The following MYO1F variants were observed in gnomAD, a reference collection of about 807,000 sequenced individuals.
MYO1F encodes the protein unconventional myosin-If.
A neutral mutation model predicts 146.6 loss-of-function variants in MYO1F; 60 were observed. The observed-to-expected ratio is 0.41, with a 90% CI of 0.33 to 0.51. The LOEUF is 0.51. MYO1F is among the 20% of genes least tolerant of loss of function. MYO1F has a pLI of 0.25. For synonymous variants in MYO1F, 602 were observed against 602.1 expected (o/e 1.00, Z 0.00); for missense variants, 1,274 against 1,534.3 (o/e 0.83, Z 2.83).
intron 25 of MYO1F, among the ~76,000 whole-genome samples, chr19:8,524,294 T>A (rs939882145): frequency 3.3e-5 from 5 of 150,882 alleles, no homozygotes; most frequent in African/African-American, 1.2e-4. Flanking sequence ...TGCATGCCTG[T>A]AATCCCAGCT....
Position 8,525,579 on chromosome 19 carries a change from A to T in MYO1F, c.2771-17T>A. On this transcript the variant is annotated splice_polypyrimidine_tract_variant and intron_variant, in intron 24 of 27. Coordinates refer to ENST00000644032, the MANE Select transcript of MYO1F (RefSeq NM_012335.4). Reference sequence around the variant, plus strand: ...GCGTAGGCTCTGAAAGAAGAGTGTCAGGGAGTTGAATGACAGACAGACCAC... The same window carrying T: ...GCGTAGGCTCTGAAAGAAGAGTGTCTGGGAGTTGAATGACAGACAGACCAC... 1 of 1,607,720 alleles carries T rather than the reference A, an allele frequency of 6.2e-7. No individual in the cohort carries two copies. Among genetic ancestry groups the T allele is most frequent in the Non-Finnish European group, 8.5e-7 (1 of 1,175,936 alleles).
chr19:8,545,394 A>G, intron 13 of MYO1F: 1 of 478,850 alleles, frequency 2.1e-6, no homozygotes, highest in Non-Finnish European at 3.9e-6. Flanking sequence ...GGAATCTGCA[A>G]ATTTGACTCT....
intron 16 of MYO1F, among the ~76,000 whole-genome samples, chr19:8,537,836 C>G (rs1212639411): frequency 6.6e-6 from 1 of 152,110 alleles, no homozygotes; most frequent in East Asian, 1.9e-4. Flanking sequence ...CTCAAGCGAT[C>G]AACTGCCTTA....
At position 8,544,374 on chromosome 19, in the gene MYO1F, G is replaced by A; in HGVS notation, c.1447C>T (p.Leu483=). 3 of 1,613,206 alleles carry A rather than the reference G, an allele frequency of 1.9e-6. No individual in the cohort carries two copies. The highest frequency in any genetic ancestry group is 2.5e-6 in the Non-Finnish European group (3 of 1,179,864). The change falls in exon 14 of 28, where the codon CTG becomes TTG. Residue 483 remains leucine (L), a synonymous_variant. Transcript: ENST00000644032. ...GGADQTLLQK[L]QAAVGTHEHF... Reference sequence around the variant, plus strand: ...TCGTGGGTCCCCACAGCCGCCTGCAGCTTCTGCAGCAGTGTCTGGTCTGCT... The same window carrying A: ...TCGTGGGTCCCCACAGCCGCCTGCAACTTCTGCAGCAGTGTCTGGTCTGCT...
At chr19:8,553,036 G>A in intron 6 of MYO1F, 103 bp downstream of exon 6, 1 of 1,132,806 alleles carries the variant, frequency 8.8e-7, no homozygotes, top group Non-Finnish European at 1.3e-6. Context: ...GGTTTTCAAT[G>A]GACTCTTGTC....
At chr19:8,566,049 C>A (rs183863302) in intron 1 of MYO1F, among the ~76,000 whole-genome samples, 113 of 151,866 alleles carry the variant, frequency 7.4e-4, no homozygotes, top group African/African-American at 2.7e-3. Context: ...TTCGGAGTTA[C>A]AGTGAGCTGT....
At chr19:8,526,643 C>T (rs1168076405) in intron 23 of MYO1F, 42 bp from the exon 24 acceptor site, 1 of 1,561,896 alleles carries the variant, frequency 6.4e-7, no homozygotes, top group Admixed American at 1.9e-5. Flanking sequence ...GGCTGAGGTC[C>T]CCCGCCCCAC....
chr19:8,547,899 C>G, intron 12 of MYO1F, 137 bp downstream of exon 12: 1 of 773,052 alleles, frequency 1.3e-6, no homozygotes, highest in South Asian at 1.5e-5. Context: ...CACTATGGAG[C>G]CTGGGTAGGT....
chr19:8,528,718 G>A (rs983274536), intron 21 of MYO1F, among the ~76,000 whole-genome samples: 1 of 152,186 alleles, frequency 6.6e-6, no homozygotes, highest in African/African-American at 2.4e-5. Context: ...AGAACACTTA[G>A]ACCAGGTGAA....
At chr19:8,547,226 A>G (rs1322311141) in intron 12 of MYO1F, among the ~76,000 whole-genome samples, 1 of 144,668 alleles carries the variant, frequency 6.9e-6, no homozygotes, top group East Asian at 2.2e-4. Flanking sequence ...GCTTGAGCCC[A>G]GGAGGTGTAG....
intron 1 of MYO1F, among the ~76,000 whole-genome samples, chr19:8,573,606 T>G (rs2042150230): frequency 6.6e-6 from 1 of 152,040 alleles, no homozygotes; most frequent in East Asian, 1.9e-4. Flanking sequence ...ATCTCACACT[T>G]TGGGAGGCCA....
intron 1 of MYO1F, among the ~76,000 whole-genome samples, chr19:8,574,530 C>CCTTTCTTTCTTTCTTTCTTTCTTT (rs1183292416): frequency 4.2e-5 from 5 of 119,108 alleles, no homozygotes; most frequent in East Asian, 2.4e-4. Flanking sequence ...TTCTTTTTTC[C>CCTTTCTTTCTTTCTTTCTTTCTTT]CTTTCTTTCT....
Position 8,523,723 on chromosome 19 carries a change from T to G in MYO1F, c.2855-894A>C, listed in dbSNP as rs558531413. 3.0e-4 allele frequency among the ~76,000 whole-genome samples: 45 copies of G among 152,174 alleles called. 1 individual carries two copies. In the South Asian group the frequency reaches 8.5e-3, roughly 29 times the overall value. ...AGGATGGAGTGCAGCAGTGAGATCA[T>G]AGCTCACTGCAGACTCCAACTCTTA... On this transcript the variant is annotated intron_variant, in intron 25 of 27. Transcript: ENST00000644032.
At chr19:8,541,767 A>G (rs1972983166) in intron 15 of MYO1F, 139 bp downstream of exon 15, 4 of 814,384 alleles carry the variant, frequency 4.9e-6, no homozygotes, top group Non-Finnish European at 8.3e-6. Flanking sequence ...GTCCATAGAA[A>G]CACCATCCTG....
intron 1 of MYO1F, among the ~76,000 whole-genome samples, chr19:8,560,494 G>GA (rs5827003): frequency 0.54 from 77,844 of 145,044 alleles, 21,329 homozygotes; most frequent in East Asian, 0.67. Context: ...TTAAAAAAAG[G>GA]AAAAAAAAAA....
At position 8,526,879 on chromosome 19, in the gene MYO1F, T is replaced by C; in HGVS notation, c.2531A>G (p.Glu844Gly). The C allele has an allele frequency of 6.2e-7, 1 of 1,613,958 alleles. No homozygotes were observed. Among genetic ancestry groups the C allele is most frequent in the Non-Finnish European group, 8.5e-7 (1 of 1,180,010 alleles). Reference protein sequence around the residue: ...LQEDAADSFLESVFKTEFVSL... With the variant: ...LQEDAADSFLGSVFKTEFVSL... ...GACAAACTCGGTCTTGAAGACGCTC[T>C]CCAGGAAGCTGTCGGCGGCATCCTC... is the stretch of plus-strand genomic sequence containing the variant. The change falls in exon 23 of 28, where the codon GAG becomes GGG. Residue 844 changes from glutamate (E) to glycine (G), a missense_variant. Physicochemically the swap from Glu to Gly is moderately conservative, Grantham distance 98. Transcript: ENST00000644032.
intron 16 of MYO1F, 125 bp downstream of exon 16, chr19:8,539,822 A>T (rs1380485885): frequency 2.8e-5 from 23 of 833,360 alleles, no homozygotes; most frequent in Non-Finnish European, 4.3e-5. Flanking sequence ...TCACAGTCAG[A>T]GGCAGAAGCC....
chr19:8,555,376 C>CA (rs886749061), intron 2 of MYO1F: 3,711 of 100,022 alleles, frequency 0.037, 44 homozygotes, highest in South Asian at 0.054. Context: ...GACTCCGTCT[C>CA]AAAAAAAAAA....
At chr19:8,561,064 T>G (rs555335257) in intron 1 of MYO1F, among the ~76,000 whole-genome samples, 4 of 152,014 alleles carry the variant, frequency 2.6e-5, no homozygotes, top group Non-Finnish European at 5.9e-5. Context: ...AAATATTTCA[T>G]AGAGACATGG....
Sources: gnomAD v4.1 joint callset for allele counts (sites outside exome capture counted in the v4.1 genomes callset) on GRCh38, gnomAD v4.1.1 for gene constraint, MANE v1.5 for transcripts, NCBI Gene and HGNC (gene_info 2026-07-23, HGNC 2026-07-21) for gene names.